PIM1: variants seen among roughly 807,000 people sequenced by gnomAD.
The protein encoded by PIM1 is serine/threonine-protein kinase pim-1.
In PIM1, 9 loss-of-function variants were observed where a neutral mutation model predicts 34.5. The ratio of observed to expected loss-of-function variants is 0.26; its 90% CI spans 0.16 to 0.46. PIM1 has a LOEUF of 0.46. PIM1 is among the 20% of genes least tolerant of loss of function. The probability of loss-of-function intolerance (pLI) is 1.00; values close to 1 mark genes in which losing one functional copy is unlikely to be tolerated. For synonymous variants in PIM1, 199 were observed against 175.2 expected, an observed-to-expected ratio of 1.14 and a Z score of -1.07; for missense variants, 274 against 410.9, an observed-to-expected ratio of 0.67 and a Z score of 2.88.
Position 37,170,825 on chromosome 6 carries a change from C to T in PIM1, c.135C>T (p.Gly45=), listed in dbSNP as rs1762265731. The T allele has an allele frequency of 6.2e-7, 1 of 1,612,962 alleles. No homozygotes were observed. Among genetic ancestry groups the T allele is most frequent in the Non-Finnish European group, 8.5e-7 (1 of 1,179,724 alleles). ...AGTACCAGGTGGGCCCGCTACTGGG[C>T]AGCGGCGGCTTCGGCTCGGTCTACT... ...ESQYQVGPLL[G]SGGFGSVYSG... Residue 45 remains glycine (G), a synonymous_variant, in exon 2 of 6, where the codon GGC becomes GGT. Coordinates refer to ENST00000373509, the MANE Select transcript of PIM1 (RefSeq NM_002648.4).
In PIM1 at chr6:37,174,825, CAA is replaced by C. The variant is rs1248575148; in HGVS notation, c.*735_*736del. The C allele has an allele frequency of 4.3e-6, 1 of 233,542 alleles. No individual in the cohort carries two copies. The highest frequency in any genetic ancestry group is 8.5e-6 in the Non-Finnish European group (1 of 118,052). The allele number at this position is 233,542 out of a possible 1,614,324, so 14.5% of individuals were successfully genotyped here. On this transcript the variant is annotated 3_prime_UTR_variant, in exon 6 of 6. Coordinates refer to ENST00000373509, the MANE Select transcript of PIM1 (RefSeq NM_002648.4). ...CTCACACACACAAAAAATGCACAAACAATGCAATCAACAGAAAAGCTGTAAAT... is the reference window on the plus strand; with the variant it reads ...CTCACACACACAAAAAATGCACAAACTGCAATCAACAGAAAAGCTGTAAAT...
rs1762351155 is a variant in PIM1, at chr6:37,173,818, G to A, written c.785-116G>A. On this transcript the variant is annotated intron_variant, in intron 5 of 5. Coordinates refer to ENST00000373509, the MANE Select transcript of PIM1 (RefSeq NM_002648.4). ...TACCCAGCACAGTGTTCTAGAAAATGCTTGGCCTCCCTGGGACCCCAGACT... is the reference window on the plus strand; with the variant it reads ...TACCCAGCACAGTGTTCTAGAAAATACTTGGCCTCCCTGGGACCCCAGACT... 7.1e-6 allele frequency: 6 copies of A among 839,176 alleles called. No individual in the cohort carries two copies. In the East Asian group the frequency reaches 1.3e-4, roughly 18 times the overall value. The allele number at this position is 839,176 out of a possible 1,614,324, so 52.0% of individuals were successfully genotyped here.
chr6:37,171,599 C>A, intron 4 of PIM1, 108 bp downstream of exon 4: 1 of 1,364,070 alleles, frequency 7.3e-7, no homozygotes, highest in Non-Finnish European at 9.8e-7. Context: ...GTCATTGGGC[C>A]GCCTGGCTCG....
chr6:37,171,154 G>C lies in PIM1; in HGVS notation c.270G>C (p.Val90=). The change falls in exon 4 of 6, where the codon GTG becomes GTC. Residue 90 remains valine, a synonymous_variant. Coordinates refer to ENST00000373509, the MANE Select transcript of PIM1 (RefSeq NM_002648.4). ...ATGGCACTCGAGTGCCCATGGAAGT[G>C]GTCCTGCTGAAGAAGGTGAGCTCGG... ...LPNGTRVPME[V]VLLKKVSSGF... 6.2e-7 allele frequency: 1 copy of C among 1,614,000 alleles called. No homozygotes were observed. The highest frequency in any genetic ancestry group is 1.3e-5 in the African/African-American group (1 of 75,072).
At chr6:37,173,286 C>A (rs1008356117) in intron 5 of PIM1, 114 bp downstream of exon 5, 3 of 948,966 alleles carry the variant, frequency 3.2e-6, no homozygotes, top group African/African-American at 3.3e-5. Context: ...ATTCTGTCAC[C>A]CTTGGCTTAG....
rs781178342 is a variant in PIM1 at position 37,170,850 on chromosome 6, T to A, written c.160T>A (p.Ser54Thr). ...LGSGGFGSVY[S>T]GIRVSDNLPV... The stretch of plus-strand genomic sequence containing the variant: ...CAGCGGCGGCTTCGGCTCGGTCTAC[T>A]CAGGCATCCGCGTCTCCGACAACTT... The change falls in exon 2 of 6, where the codon TCA becomes ACA. Residue 54 changes from serine to threonine, a missense_variant. By Grantham distance (58) the Ser-to-Thr change is moderately conservative. Around this residue, in one of 2 missense-constraint regions of PIM1, gnomAD observed 106 missense variants for 111.5 expected, o/e 0.95. Transcript: ENST00000373509. The A allele has an allele frequency of 6.8e-6, 11 of 1,612,612 alleles. No individual in the cohort carries two copies. Among genetic ancestry groups the A allele is most frequent in the Non-Finnish European group, 9.3e-6 (11 of 1,179,628 alleles).
Position 37,175,094 on chromosome 6 carries a change from G to C in PIM1, c.*1003G>C, listed in dbSNP as rs904147912. 4.3e-6 allele frequency: 1 copy of C among 233,434 alleles called. No individual in the cohort carries two copies. Among genetic ancestry groups the C allele is most frequent in the South Asian group, 1.8e-4 (1 of 5,536 alleles). 14.5% of individuals were successfully genotyped at this position (233,434 alleles called of 1,614,324 possible). A position where few individuals can be genotyped will look rare whatever the true frequency, so the allele number is the denominator to read the frequency against. ...TCCTCCTCTGACTTGGGGACCTTTTGGGGGAGGGCTGCGACGCTTGCTCTG... is the reference window on the plus strand; with the variant it reads ...TCCTCCTCTGACTTGGGGACCTTTTCGGGGAGGGCTGCGACGCTTGCTCTG... On this transcript the variant is annotated 3_prime_UTR_variant, in exon 6 of 6. Coordinates refer to ENST00000373509, the MANE Select transcript of PIM1 (RefSeq NM_002648.4).
At chr6:37,173,225 A>G in intron 5 of PIM1, 53 bp downstream of exon 5, 1 of 1,524,524 alleles carries the variant, frequency 6.6e-7, no homozygotes, top group African/African-American at 1.4e-5. Context: ...TGGGGCTATT[A>G]GTCTTCATGG....
At chr6:37,171,547 C>G in intron 4 of PIM1, 56 bp downstream of exon 4, 1 of 1,567,970 alleles carries the variant, frequency 6.4e-7, no homozygotes, top group South Asian at 1.2e-5. Flanking sequence ...CCGGCCCAGT[C>G]CGGAGGCCTC....
In PIM1 at chr6:37,170,652, C is replaced by T; in HGVS notation, c.77C>T (p.Ala26Val). The T allele has an allele frequency of 1.9e-6, 3 of 1,611,796 alleles. No homozygotes were observed. Among genetic ancestry groups the T allele is most frequent in the African/African-American group, 1.3e-5 (1 of 74,842 alleles). ...AACGACCTGCACGCCACCAAGCTGG[C>T]GCCCGGTGAGAGCACCCCCCGCCTC... is the stretch of plus-strand genomic sequence containing the variant. ...PCNDLHATKLAPGKEKEPLES... is the reference protein window; with the variant it reads ...PCNDLHATKLVPGKEKEPLES... The change falls in exon 1 of 6, where the codon GCG becomes GTG. Residue 26 changes from alanine to valine, a missense_variant. By Grantham distance (64) the Ala-to-Val change is moderately conservative. This residue lies in a region of PIM1 where 106 missense variants were observed against 111.5 expected (regional missense o/e 0.95). Coordinates refer to ENST00000373509, the MANE Select transcript of PIM1 (RefSeq NM_002648.4).
Position 37,170,406 on chromosome 6 carries a change from C to T in PIM1, c.-170C>T. On this transcript the variant is annotated 5_prime_UTR_variant, in exon 1 of 6. Coordinates refer to ENST00000373509, the MANE Select transcript of PIM1 (RefSeq NM_002648.4). ...CAGTCCCGGCAGCGCCCTCAGTTGT[C>T]CTCCGACTCGCCCTCGGCCTTCCGC... 1 of 1,533,142 alleles carries T rather than the reference C, an allele frequency of 6.5e-7. No homozygotes were observed. Among genetic ancestry groups the T allele is most frequent in the South Asian group, 1.2e-5 (1 of 83,882 alleles). The allele number at this position is 1,533,142 out of a possible 1,614,324, so 95.0% of individuals were successfully genotyped here.
chr6:37,170,324 C>G lies in PIM1; in HGVS notation c.-252C>G. ...GGCGCTGCCGCACGAGCCCCACGAG[C>G]CGCTCACCCCGCCGTTCTCAGCGCT... On this transcript the variant is annotated 5_prime_UTR_variant, in exon 1 of 6. Coordinates refer to ENST00000373509, the MANE Select transcript of PIM1 (RefSeq NM_002648.4). The G allele has an allele frequency of 3.4e-6, 5 of 1,481,016 alleles. No individual in the cohort carries two copies. Among genetic ancestry groups the G allele is most frequent in the African/African-American group, 1.5e-5 (1 of 68,326 alleles). 91.7% of individuals were successfully genotyped at this position (1,481,016 alleles called of 1,614,324 possible).
At chr6:37,171,587 A>G in intron 4 of PIM1, 96 bp downstream of exon 4, 1 of 1,453,308 alleles carries the variant, frequency 6.9e-7, no homozygotes, top group Non-Finnish European at 9.2e-7. Context: ...CCTTTTGTAA[A>G]GGTCATTGGG....
Position 37,171,226 on chromosome 6 carries a change from C to T in PIM1, c.342C>T (p.Asp114=). The change falls in exon 4 of 6, where the codon GAC becomes GAT. Residue 114 remains aspartate (D), a synonymous_variant. Transcript: ENST00000373509. ...TCCTGGACTGGTTCGAGAGGCCCGA[C>T]AGTTTCGTCCTGATCCTGGAGAGGC... ...IRLLDWFERP[D]SFVLILERPE... 1.2e-6 allele frequency: 2 copies of T among 1,614,088 alleles called. No homozygotes were observed. Among genetic ancestry groups the T allele is most frequent in the Non-Finnish European group, 8.5e-7 (1 of 1,180,030 alleles).
chr6:37,174,291 G>C lies in PIM1; in HGVS notation c.*200G>C. On this transcript the variant is annotated 3_prime_UTR_variant, in exon 6 of 6. Coordinates refer to ENST00000373509, the MANE Select transcript of PIM1 (RefSeq NM_002648.4). The stretch of plus-strand genomic sequence containing the variant: ...AGTGGGGAAGAGTGACTCTCCAGGG[G>C]TCCTAGGCCTCAACTCCTCCCATAG... The C allele has an allele frequency of 2.1e-6, 1 of 473,410 alleles. No homozygotes were observed. The allele number at this position is 473,410 out of a possible 1,614,324, so 29.3% of individuals were successfully genotyped here. A position where few individuals can be genotyped will look rare whatever the true frequency, so the allele number is the denominator to read the frequency against.
At chr6:37,172,633 G>A in intron 4 of PIM1, 1 of 474,788 alleles carries the variant, frequency 2.1e-6, no homozygotes, top group African/African-American at 2.0e-5. Context: ...TTTAAGGATA[G>A]TCTATGAGAT....
In PIM1 at chr6:37,171,040, C is replaced by T; in HGVS notation, c.240+9C>T. The T allele has an allele frequency of 1.2e-6, 2 of 1,614,052 alleles. No homozygotes were observed. Among genetic ancestry groups the T allele is most frequent in the Non-Finnish European group, 1.7e-6 (2 of 1,180,000 alleles). On this transcript the variant is annotated intron_variant, in intron 3 of 5. Coordinates refer to ENST00000373509, the MANE Select transcript of PIM1 (RefSeq NM_002648.4). ...CCGACTGGGGAGAGCTGGTGAGTGC[C>T]CTGCAGGAGCGACCCCCAGGATGAG...
At chr6:37,172,736 G>A (rs1291344717) in intron 4 of PIM1, 4 of 616,932 alleles carry the variant, frequency 6.5e-6, no homozygotes, top group Non-Finnish European at 1.2e-5. Flanking sequence ...GGCCAGCTGT[G>A]TTTGTTTCTT....
chr6:37,170,935 G>A (rs368941207), intron 2 of PIM1, 46 bp from the exon 3 acceptor site: 36 of 1,613,566 alleles, frequency 2.2e-5, no homozygotes, highest in Non-Finnish European at 2.9e-5. Context: ...GCACGGGCGT[G>A]CTTTAGCCCG....
Sources: gnomAD v4.1 joint callset for allele counts on GRCh38, gnomAD v4.1.1 for gene constraint, gnomAD v4.1.1 regional missense constraint, MANE v1.5 for transcripts, NCBI Gene and HGNC (gene_info 2026-07-23, HGNC 2026-07-21) for gene names.